The following NHSL1 variants were observed in gnomAD, a reference collection of about 807,000 sequenced individuals.
The protein encoded by NHSL1 is NHS-like protein 1.
In NHSL1, 48 loss-of-function variants were observed where a neutral mutation model predicts 95.0. That is an observed-to-expected ratio of 0.51 (90% CI 0.40 to 0.64). The LOEUF is 0.64. Ranked by LOEUF, NHSL1 falls within the 30% of genes least tolerant of loss-of-function variation. The pLI is 0.00. For synonymous variants in NHSL1, 783 were observed against 833.9 expected (o/e 0.94, Z 1.05); for missense variants, 1,971 against 2,077.7 (o/e 0.95, Z 1.00).
At chr6:138,539,371 T>G (rs1334482905) in intron 1 of NHSL1, among the ~76,000 whole-genome samples, 1 of 152,210 alleles carries the variant, frequency 6.6e-6, no homozygotes, top group Non-Finnish European at 1.5e-5. Flanking sequence ...TACATACCCC[T>G]GCATACATCT....
At chr6:138,512,499 CT>C (rs1274918226) in intron 1 of NHSL1, 2 of 181,714 alleles carry the variant, frequency 1.1e-5, no homozygotes, top group African/African-American at 4.8e-5. Context: ...ATATTCTGAA[CT>C]TTCTAGCTTT....
intron 1 of NHSL1, among the ~76,000 whole-genome samples, chr6:138,681,882 T>A (rs4076534): frequency 0.61 from 93,016 of 152,034 alleles, 30,212 homozygotes; most frequent in East Asian, 0.92. Context: ...CAATTTTTAA[T>A]CATAACAGGG....
chr6:138,469,418 A>C (rs1778608524), intron 3 of NHSL1, among the ~76,000 whole-genome samples: 1 of 152,150 alleles, frequency 6.6e-6, no homozygotes, highest in Non-Finnish European at 1.5e-5. Flanking sequence ...AGACTTGTTA[A>C]CTTTATATAG....
chr6:138,669,490 T>TG (rs1014186613), intron 1 of NHSL1, among the ~76,000 whole-genome samples: 1 of 152,148 alleles, frequency 6.6e-6, no homozygotes, highest in African/African-American at 2.4e-5. Context: ...TTGATTTTCT[T>TG]GGGGAAGAAG....
rs564436415 is a variant in NHSL1, at chr6:138,688,671, AG to A, written c.96+3804del. On this transcript the variant is annotated intron_variant, in intron 1 of 3. Coordinates refer to the NHSL1 transcript ENST00000491526. ...AAAATTAAAATAAAAATAAAAAAATAGAAACAGACTATTTGATCGAGTGTCT... is the reference window on the plus strand; with the variant it reads ...AAAATTAAAATAAAAATAAAAAAATAAAACAGACTATTTGATCGAGTGTCT... Among the ~76,000 whole-genome samples the A allele has an allele frequency of 2.4e-3, 358 of 152,032 alleles. 2 individuals are homozygous for A. Among genetic ancestry groups the A allele is most frequent in the African/African-American group, 7.7e-3 (320 of 41,480 alleles).
rs927124083 is a variant in NHSL1 at position 138,423,120 on chromosome 6, TGTAAAA to T, written c.*955_*960del. The stretch of plus-strand genomic sequence containing the variant: ...AAAAAAAAAAAAAAAAAAAAACTGT[TGTAAAA>T]GGAAAAGCTCCACCCATAGTTCTGT... On this transcript the variant is annotated 3_prime_UTR_variant, in exon 8 of 8. Transcript: ENST00000343505. 1 of 149,844 alleles carries T rather than the reference TGTAAAA, an allele frequency of 6.7e-6. No individual in the cohort carries two copies. Among genetic ancestry groups the T allele is most frequent in the Admixed American group, 6.6e-5 (1 of 15,076 alleles). The allele number at this position is 149,844 out of a possible 1,614,324, so 9.3% of individuals were successfully genotyped here.
chr6:138,501,502 G>A (rs1455961604), upstream of NHSL1, among the ~76,000 whole-genome samples: 1 of 152,116 alleles, frequency 6.6e-6, no homozygotes, highest in Non-Finnish European at 1.5e-5. Context: ...CGAGATTTGA[G>A]CAAAACCTTG....
chr6:138,683,303 G>A (rs765062903), intron 1 of NHSL1, among the ~76,000 whole-genome samples: 12 of 152,172 alleles, frequency 7.9e-5, no homozygotes, highest in Non-Finnish European at 1.6e-4. Context: ...TCATGTAGCC[G>A]TGGTCAGCTT....
chr6:138,536,449 C>T (rs1037681354), intron 1 of NHSL1, among the ~76,000 whole-genome samples: 3 of 152,138 alleles, frequency 2.0e-5, no homozygotes, highest in African/African-American at 7.2e-5. Context: ...TCTATAGGAG[C>T]AGTCTTGTAA....
At chr6:138,503,076 T>A (rs1780772855), upstream of NHSL1, among the ~76,000 whole-genome samples, 1 of 152,202 alleles carries the variant, frequency 6.6e-6, no homozygotes, top group Non-Finnish European at 1.5e-5. Context: ...ATCTTTTCTA[T>A]TGTCTAAGAT....
chr6:138,567,117 A>G (rs1783649647), intron 1 of NHSL1, among the ~76,000 whole-genome samples: 1 of 151,170 alleles, frequency 6.6e-6, no homozygotes, highest in African/African-American at 2.4e-5. Flanking sequence ...GTTTGGTTTG[A>G]GACCTAGTCT....
chr6:138,444,465 G>C (rs1353687526), intron 4 of NHSL1, among the ~76,000 whole-genome samples: 2 of 152,018 alleles, frequency 1.3e-5, no homozygotes, highest in African/African-American at 4.8e-5. Context: ...AACATGCCGA[G>C]TGCCCACAAG....
intron 3 of NHSL1, among the ~76,000 whole-genome samples, chr6:138,457,018 C>A (rs956741608): frequency 1.3e-5 from 2 of 151,970 alleles, no homozygotes; most frequent in African/African-American, 2.4e-5. Flanking sequence ...GTAGCTGGGA[C>A]TACAGGTGCA....
intron 7 of NHSL1, among the ~76,000 whole-genome samples, chr6:138,429,227 A>C (rs964947300): frequency 6.6e-6 from 1 of 152,240 alleles, no homozygotes; most frequent in Non-Finnish European, 1.5e-5. Context: ...TTATAGAAAC[A>C]CTTAAGCAGC....
rs1379437448 is a variant in NHSL1, at chr6:138,437,319, T to TATATAC, written c.665-3640_665-3639insGTATAT. 3.9e-5 allele frequency among the ~76,000 whole-genome samples: 4 copies of TATATAC among 102,012 alleles called. No individual in the cohort carries two copies. In the Admixed American group the frequency reaches 4.1e-4, roughly 11 times the overall value. The allele number at this position is 102,012 out of a possible 152,430, so 66.9% of individuals were successfully genotyped here. A position where few individuals can be genotyped will look rare whatever the true frequency, so the allele number is the denominator to read the frequency against. ...ATGTATATATATATATATATATATA[T>TATATAC]ACACACACACATATATATATATACA... is the stretch of plus-strand genomic sequence containing the variant. On this transcript the variant is annotated intron_variant, in intron 5 of 7. Transcript: ENST00000343505.
intron 2 of NHSL1, 110 bp from the exon 3 acceptor site, chr6:138,473,543 G>C: frequency 8.4e-7 from 1 of 1,188,484 alleles, no homozygotes; most frequent in Middle Eastern, 2.6e-4. Flanking sequence ...TATTTTTCTA[G>C]GCATTAATAG....
rs903225900 is a variant in NHSL1, at chr6:138,430,184, C to T, written c.3952+209G>A. Among the ~76,000 whole-genome samples the T allele has an allele frequency of 6.6e-6, 1 of 152,124 alleles. No homozygotes were observed. The highest frequency in any genetic ancestry group is 1.5e-5 in the Non-Finnish European group (1 of 68,020). On this transcript the variant is annotated intron_variant, in intron 6 of 7. Transcript: ENST00000343505. This position sits in a 1 kb window ranked among gnomAD's most constrained non-coding sequence, Gnocchi z 4.7. ...CTCCATCCCCCTATTTTCTGCCATGCCTTTAGGTCTAGATTTTAAAAATAA... is the reference window on the plus strand; with the variant it reads ...CTCCATCCCCCTATTTTCTGCCATGTCTTTAGGTCTAGATTTTAAAAATAA...
chr6:138,468,289 A>C (rs1778519813), intron 3 of NHSL1, among the ~76,000 whole-genome samples: 1 of 152,168 alleles, frequency 6.6e-6, no homozygotes, highest in African/African-American at 2.4e-5. Flanking sequence ...ACAAATGCTC[A>C]CCATTATGTT....
intron 1 of NHSL1, among the ~76,000 whole-genome samples, chr6:138,541,492 A>G (rs74677700): frequency 6.6e-6 from 1 of 152,238 alleles, no homozygotes; most frequent in Non-Finnish European, 1.5e-5. Context: ...TTTCAAAAGT[A>G]CATATTTTAG....
Sources: gnomAD v4.1 joint callset for allele counts (sites outside exome capture counted in the v4.1 genomes callset) on GRCh38, gnomAD v4.1.1 for gene constraint, Gnocchi (gnomAD v3.1) non-coding constraint, MANE v1.5 for transcripts, NCBI Gene and HGNC (gene_info 2026-07-23, HGNC 2026-07-21) for gene names.